ACOT13: variants seen among roughly 807,000 people sequenced by gnomAD.
ACOT13 encodes the protein acyl-CoA thioesterase 13.
Under a neutral mutation model 11.8 loss-of-function variants are expected in ACOT13, and 10 were observed. The ratio of observed to expected loss-of-function variants is 0.85; its 90% CI spans 0.53 to 1.44. The LOEUF (loss-of-function observed/expected upper bound fraction) is 1.44. Among genes scored for constraint, ACOT13 ranks in the 40% most tolerant of loss-of-function variants. The probability of loss-of-function intolerance (pLI) is 0.00; values close to 1 mark genes in which losing one functional copy is unlikely to be tolerated. For synonymous variants in ACOT13, 53 were observed against 61.0 expected (o/e 0.87, Z 0.61); for missense variants, 172 against 174.1 (o/e 0.99, Z 0.07).
chr6:24,693,636 G>A (rs947699242), intron 1 of ACOT13, among the ~76,000 whole-genome samples: 6 of 152,062 alleles, frequency 3.9e-5, no homozygotes, highest in Non-Finnish European at 7.4e-5. Flanking sequence ...AGTGAGGAAA[G>A]GAGAGACTCT....
At chr6:24,667,974 G>C (rs1778290284) in intron 1 of ACOT13, among the ~76,000 whole-genome samples, 1 of 152,086 alleles carries the variant, frequency 6.6e-6, no homozygotes, top group Admixed American at 6.5e-5. Context: ...GCGCGATCTC[G>C]GCTCACTGCA....
chr6:24,676,898 G>C (rs1344346623), intron 1 of ACOT13, among the ~76,000 whole-genome samples: 2 of 152,120 alleles, frequency 1.3e-5, no homozygotes, highest in Non-Finnish European at 2.9e-5. Context: ...CGGAAGTTAG[G>C]AATTCCCCTC....
Position 24,701,732 on chromosome 6 carries a change from TG to T in ACOT13, c.*119del, listed in dbSNP as rs1778896396. ...AACCAGAAGCAGCTAGAAATATTCT[TG>T]GAGGAAAAGGACCTGGATATCAAGT... On this transcript the variant is annotated 3_prime_UTR_variant, in exon 3 of 3. Coordinates refer to ENST00000230048, the MANE Select transcript of ACOT13 (RefSeq NM_018473.4). The T allele has an allele frequency of 1.2e-5, 14 of 1,152,288 alleles. No homozygotes were observed. In the South Asian group the frequency reaches 2.6e-4, roughly 22 times the overall value. 71.4% of individuals were successfully genotyped at this position (1,152,288 alleles called of 1,614,324 possible). A position where few individuals can be genotyped will look rare whatever the true frequency, so the allele number is the denominator to read the frequency against.
intron 1 of ACOT13, among the ~76,000 whole-genome samples, chr6:24,685,845 T>G (rs2127625102): frequency 6.6e-6 from 1 of 152,224 alleles, no homozygotes; most frequent in East Asian, 1.9e-4. Flanking sequence ...AACAAAAAAG[T>G]ATGCAGTCCA....
chr6:24,685,504 G>A (rs975990635), intron 1 of ACOT13, among the ~76,000 whole-genome samples: 3 of 151,684 alleles, frequency 2.0e-5, no homozygotes, highest in Non-Finnish European at 2.9e-5. Flanking sequence ...CTGCCACCAC[G>A]CCCGGCTAAT....
At position 24,704,079 on chromosome 6, in the gene ACOT13, G is replaced by C. The variant is rs1778946397; in HGVS notation, c.*2464G>C. 1.3e-5 allele frequency: 2 copies of C among 152,074 alleles called. No individual in the cohort carries two copies. The highest frequency in any genetic ancestry group is 2.9e-5 in the Non-Finnish European group (2 of 68,022). The allele number at this position is 152,074 out of a possible 1,614,324, so 9.4% of individuals were successfully genotyped here. On this transcript the variant is annotated 3_prime_UTR_variant, in exon 3 of 3. Transcript: ENST00000230048. ...ATACTGGGACAACAAAACGAATATG[G>C]ATGATAAAGAGTATCAACATTCCCT...
At position 24,701,577 on chromosome 6, in the gene ACOT13, A is replaced by G. The variant is rs767573928; in HGVS notation, c.385A>G (p.Ile129Val). The part of the protein sequence containing the change: ...DLTNKATGKL[I>V]AQGRHTKHLG... Reference sequence around the variant, plus strand: ...GACCAACAAGGCCACAGGAAAATTAATAGCACAAGGAAGACACACAAAACA... The same window carrying G: ...GACCAACAAGGCCACAGGAAAATTAGTAGCACAAGGAAGACACACAAAACA... The change falls in exon 3 of 3, where the codon ATA (isoleucine) becomes GTA (valine). Residue 129 changes from isoleucine (I) to valine (V), a missense_variant. Physicochemically the swap from Ile to Val is conservative, Grantham distance 29 (BLOSUM62 3). Coordinates refer to ENST00000230048, the MANE Select transcript of ACOT13 (RefSeq NM_018473.4). 50 of 1,613,762 alleles carry G rather than the reference A, an allele frequency of 3.1e-5. No homozygotes were observed. The highest frequency in any genetic ancestry group is 3.6e-5 in the Non-Finnish European group (43 of 1,179,836).
rs1398231427 is a variant in ACOT13 at position 24,704,856 on chromosome 6, C to T, written c.*3241C>T. On this transcript the variant is annotated 3_prime_UTR_variant, in exon 3 of 3. Coordinates refer to ENST00000230048, the MANE Select transcript of ACOT13 (RefSeq NM_018473.4). ...AAATGGAAAGAAAAAGTTAACACTT[C>T]AAACTTTGTGTATTCACCTGAATAG... 1 of 152,192 alleles carries T rather than the reference C, an allele frequency of 6.6e-6. No homozygotes were observed. Among genetic ancestry groups the T allele is most frequent in the Non-Finnish European group, 1.5e-5 (1 of 68,020 alleles). The allele number at this position is 152,192 out of a possible 1,614,324, so 9.4% of individuals were successfully genotyped here. A position where few individuals can be genotyped will look rare whatever the true frequency, so the allele number is the denominator to read the frequency against.
chr6:24,698,642 G>T (rs1048135731), intron 2 of ACOT13, among the ~76,000 whole-genome samples: 141 of 141,914 alleles, frequency 9.9e-4, no homozygotes, highest in East Asian at 9.2e-3. Flanking sequence ...CATTGCTGGG[G>T]TTTTTTTTTT....
chr6:24,667,475 T>C, intron 1 of ACOT13, 131 bp downstream of exon 1: 1 of 794,956 alleles, frequency 1.3e-6, no homozygotes, highest in Non-Finnish European at 2.1e-6. Flanking sequence ...AAATTCACCT[T>C]AGTAATAATG....
intron 1 of ACOT13, among the ~76,000 whole-genome samples, chr6:24,676,278 T>C: frequency 2.6e-5 from 4 of 151,798 alleles, no homozygotes; most frequent in African/African-American, 9.7e-5. Flanking sequence ...CATTGGTAGC[T>C]TGATGGGGAT....
chr6:24,693,688 A>G (rs930948900), intron 1 of ACOT13, among the ~76,000 whole-genome samples: 1 of 151,000 alleles, frequency 6.6e-6, no homozygotes, highest in Non-Finnish European at 1.5e-5. Flanking sequence ...TGTATCTCAG[A>G]TGGGAGAGGG....
chr6:24,678,615 C>G (rs1478205394), intron 1 of ACOT13, among the ~76,000 whole-genome samples: 1 of 152,182 alleles, frequency 6.6e-6, no homozygotes, highest in Non-Finnish European at 1.5e-5. Flanking sequence ...AGGATTAATT[C>G]CTTCCTCAAG....
intron 1 of ACOT13, among the ~76,000 whole-genome samples, chr6:24,678,314 A>G (rs1313130913): frequency 1.3e-5 from 2 of 152,200 alleles, no homozygotes; most frequent in East Asian, 1.9e-4. Flanking sequence ...AGGGTTAGGT[A>G]TAGCAGGGTA....
At chr6:24,685,178 C>T (rs1450022501) in intron 1 of ACOT13, among the ~76,000 whole-genome samples, 2 of 152,172 alleles carry the variant, frequency 1.3e-5, no homozygotes, top group Admixed American at 6.5e-5. Context: ...AGATTGATAC[C>T]ATTGTAGGTA....
intron 1 of ACOT13, among the ~76,000 whole-genome samples, chr6:24,669,109 G>A (rs963885594): frequency 2.0e-5 from 3 of 152,210 alleles, no homozygotes; most frequent in African/African-American, 7.2e-5. Context: ...AAAAATTTGA[G>A]ACAGGTATCA....
chr6:24,680,332 C>A (rs1257148046), intron 1 of ACOT13, among the ~76,000 whole-genome samples: 1 of 152,254 alleles, frequency 6.6e-6, no homozygotes, highest in South Asian at 2.1e-4. Flanking sequence ...TAAGTCATTT[C>A]TTTCTTAGCG....
In ACOT13 at chr6:24,704,924, TTTTTC is replaced by T. The variant is rs1459220910; in HGVS notation, c.*3314_*3318del. 10 of 152,218 alleles carry T rather than the reference TTTTTC, an allele frequency of 6.6e-5. No individual in the cohort carries two copies. The highest frequency in any genetic ancestry group is 6.3e-4 in the South Asian group (3 of 4,752). 9.4% of individuals were successfully genotyped at this position (152,218 alleles called of 1,614,324 possible). Reference sequence around the variant, plus strand: ...ATTTTATTTAGGTTTTCTTTTTCTTTTTTTCTTTTTTTTTCAAATTCCAACCAGAA... The same window carrying T: ...ATTTTATTTAGGTTTTCTTTTTCTTTTTTTTTTTTCAAATTCCAACCAGAA... On this transcript the variant is annotated 3_prime_UTR_variant, in exon 3 of 3. Coordinates refer to ENST00000230048, the MANE Select transcript of ACOT13 (RefSeq NM_018473.4).
At chr6:24,694,088 ATTGTATATG>A (rs1778758697) in intron 1 of ACOT13, among the ~76,000 whole-genome samples, 2 of 152,184 alleles carry the variant, frequency 1.3e-5, no homozygotes. Flanking sequence ...GGGACAGATT[ATTGTATATG>A]TGTGTGTACA....
Sources: allele counts gnomAD v4.1 joint callset (sites outside exome capture counted in the v4.1 genomes callset), GRCh38; gene constraint gnomAD v4.1.1; transcripts MANE v1.5; gene names NCBI Gene and HGNC (gene_info 2026-07-23, HGNC 2026-07-21).